NKAIN1: variants seen among roughly 807,000 people sequenced by gnomAD.
NKAIN1 encodes sodium/potassium transporting ATPase interacting 1.
In NKAIN1, 13 loss-of-function variants were observed where a neutral mutation model predicts 31.6. That is an observed-to-expected ratio of 0.41 (90% CI 0.27 to 0.65). The LOEUF (loss-of-function observed/expected upper bound fraction) is 0.65. Ranked by LOEUF, NKAIN1 falls within the 30% of genes least tolerant of loss-of-function variation. The pLI, the probability that NKAIN1 is intolerant of heterozygous loss-of-function variation, is 0.30. For missense variants in NKAIN1, 193 were observed against 262.2 expected, an observed-to-expected ratio of 0.74 and a Z score of 1.82; for synonymous variants, 104 against 109.0, an observed-to-expected ratio of 0.95 and a Z score of 0.28.
At chr1:31,232,231 A>G (rs960899072) in intron 1 of NKAIN1, among the ~76,000 whole-genome samples, 5 of 148,698 alleles carry the variant, frequency 3.4e-5, no homozygotes, top group Non-Finnish European at 5.9e-5. Flanking sequence ...AGCTGGGATT[A>G]CAGGCATGAG....
chr1:31,189,808 A>G (rs1013313081), intron 1 of NKAIN1, among the ~76,000 whole-genome samples: 2 of 152,210 alleles, frequency 1.3e-5, no homozygotes, highest in African/African-American at 4.8e-5. Context: ...TGCTGGAACA[A>G]TCAGAACAGA....
At chr1:31,218,882 G>A (rs1645538047) in intron 1 of NKAIN1, among the ~76,000 whole-genome samples, 1 of 152,234 alleles carries the variant, frequency 6.6e-6, no homozygotes, top group Non-Finnish European at 1.5e-5. Context: ...CGGCAGCCTG[G>A]GGACGGCAGT....
At chr1:31,205,864 C>A (rs1050400068) in intron 1 of NKAIN1, among the ~76,000 whole-genome samples, 19 of 149,222 alleles carry the variant, frequency 1.3e-4, no homozygotes, top group Non-Finnish European at 2.2e-4. Flanking sequence ...CTCAGGTGAT[C>A]GGCCTGCCTT....
chr1:31,225,033 C>CTTTTCTTTTCTTTTTT (rs542671307), intron 1 of NKAIN1, among the ~76,000 whole-genome samples: 1 of 112,132 alleles, frequency 8.9e-6, no homozygotes, highest in African/African-American at 4.2e-5. Context: ...CTTTTCTTTT[C>CTTTTCTTTTCTTTTTT]TTTTTTTTTT....
intron 5 of NKAIN1, 89 bp downstream of exon 5, chr1:31,182,441 C>T: frequency 2.7e-6 from 4 of 1,480,012 alleles, no homozygotes; most frequent in East Asian, 2.3e-5. Flanking sequence ...CCCTGGGCTC[C>T]CTCCCGCCGG....
intron 1 of NKAIN1, among the ~76,000 whole-genome samples, chr1:31,201,101 C>A (rs963187095): frequency 1.3e-5 from 2 of 152,120 alleles, no homozygotes; most frequent in Admixed American, 6.6e-5. Flanking sequence ...GTCAGGAGTT[C>A]GAGTGCCTCT....
intron 1 of NKAIN1, among the ~76,000 whole-genome samples, chr1:31,197,787 T>G (rs1171957438): frequency 1.3e-5 from 2 of 152,114 alleles, no homozygotes; most frequent in African/African-American, 4.8e-5. Flanking sequence ...CCTCAAGTGA[T>G]CTGCCCACCG....
At chr1:31,194,236 C>T (rs1185024810) in intron 1 of NKAIN1, among the ~76,000 whole-genome samples, 4 of 152,164 alleles carry the variant, frequency 2.6e-5, no homozygotes, top group Non-Finnish European at 5.9e-5. Flanking sequence ...ACATGTCACC[C>T]AGGCCTCACA....
chr1:31,212,016 C>G (rs1396637377), intron 1 of NKAIN1, among the ~76,000 whole-genome samples: 1 of 151,870 alleles, frequency 6.6e-6, no homozygotes, highest in Non-Finnish European at 1.5e-5. Context: ...TGAAAAAGAA[C>G]AAAGTTTGAG....
chr1:31,195,782 G>A (rs1028678768), intron 1 of NKAIN1, among the ~76,000 whole-genome samples: 5 of 151,544 alleles, frequency 3.3e-5, no homozygotes, highest in Admixed American at 1.3e-4. Flanking sequence ...AAACTCAGCC[G>A]GGCGTGGTGG....
At chr1:31,221,222 A>G (rs1403333087) in intron 1 of NKAIN1, among the ~76,000 whole-genome samples, 3 of 152,168 alleles carry the variant, frequency 2.0e-5, no homozygotes, top group African/African-American at 7.2e-5. Flanking sequence ...AGGTCCATGC[A>G]ACCTGAGTTT....
At chr1:31,188,015 G>A in intron 2 of NKAIN1, 35 bp downstream of exon 2, 1 of 1,545,998 alleles carries the variant, frequency 6.5e-7, no homozygotes, top group South Asian at 1.2e-5. Flanking sequence ...GGTGAGGAGA[G>A]GAGTTGGCTT....
rs184740671 is a variant in NKAIN1, at chr1:31,216,730, A to G, written c.54+22764T>C. On this transcript the variant is annotated intron_variant, in intron 1 of 6. Transcript: ENST00000373736. ...TATTTATTTATTTATTTATTTATTT[A>G]TTGAGACAGCTGGAGTCCAGTGGCA... Among the ~76,000 whole-genome samples the G allele has an allele frequency of 4.8e-3, 724 of 151,838 alleles. 7 individuals are homozygous for G. Among genetic ancestry groups the G allele is most frequent in the African/African-American group, 0.016 (676 of 41,418 alleles).
intron 1 of NKAIN1, among the ~76,000 whole-genome samples, chr1:31,209,530 T>C (rs1645450905): frequency 6.6e-6 from 1 of 152,062 alleles, no homozygotes; most frequent in African/African-American, 2.4e-5. Flanking sequence ...CCTAAAAGAA[T>C]ACGTATAGCC....
chr1:31,233,489 A>T lies in NKAIN1; in HGVS notation c.54+6005T>A, dbSNP rs928400809. Among the ~76,000 whole-genome samples, 2 of 152,194 alleles carry T rather than the reference A, an allele frequency of 1.3e-5. No homozygotes were observed. The highest frequency in any genetic ancestry group is 2.4e-5 in the African/African-American group (1 of 41,446). Reference sequence around the variant, plus strand: ...GAGTTTGAATACTCATTCTGCACCTATCATTTATGTGGCCATGGATAAGCC... The same window carrying T: ...GAGTTTGAATACTCATTCTGCACCTTTCATTTATGTGGCCATGGATAAGCC... On this transcript the variant is annotated intron_variant, in intron 1 of 6. Coordinates refer to ENST00000373736, the MANE Select transcript of NKAIN1 (RefSeq NM_024522.3). This position sits in a 1 kb window ranked among gnomAD's most constrained non-coding sequence, Gnocchi z 4.0.
At chr1:31,225,351 T>A (rs1361129223) in intron 1 of NKAIN1, among the ~76,000 whole-genome samples, 7 of 53,710 alleles carry the variant, frequency 1.3e-4, no homozygotes, top group Admixed American at 4.1e-4. Flanking sequence ...TTTTTTTTTT[T>A]AAAGACAGAG....
intron 1 of NKAIN1, among the ~76,000 whole-genome samples, chr1:31,213,847 A>C (rs1645488933): frequency 6.6e-6 from 1 of 152,044 alleles, no homozygotes; most frequent in Non-Finnish European, 1.5e-5. Flanking sequence ...TTTAAAAATT[A>C]GCTGGGTGTA....
chr1:31,187,351 A>C (rs1645251535), intron 2 of NKAIN1, among the ~76,000 whole-genome samples: 2 of 152,190 alleles, frequency 1.3e-5, no homozygotes, highest in Non-Finnish European at 2.9e-5. Context: ...GACAGAGACT[A>C]TCAGGGACCA....
At chr1:31,209,668 G>T (rs1645452214) in intron 1 of NKAIN1, among the ~76,000 whole-genome samples, 1 of 151,726 alleles carries the variant, frequency 6.6e-6, no homozygotes, top group African/African-American at 2.4e-5. Flanking sequence ...AATAAAAAAA[G>T]TAGCCAGACA....
Sources: allele counts gnomAD v4.1 joint callset (sites outside exome capture counted in the v4.1 genomes callset), GRCh38; gene constraint gnomAD v4.1.1; non-coding constraint Gnocchi (gnomAD v3.1); transcripts MANE v1.5; gene names NCBI Gene and HGNC (gene_info 2026-07-23, HGNC 2026-07-21).